Variants in C8orf34 observed in about 807,000 individuals in gnomAD.
The protein encoded by C8orf34 is uncharacterized protein C8orf34.
In C8orf34, 65 loss-of-function variants were observed where a neutral mutation model predicts 68.3. The observed-to-expected ratio is 0.95, with a 90% CI of 0.78 to 1.17. The LOEUF is 1.17. Among genes scored for constraint, C8orf34 ranks in the 50% most tolerant of loss-of-function variants. The pLI, the probability that C8orf34 is intolerant of heterozygous loss-of-function variation, is 0.00. For missense variants in C8orf34, 664 were observed against 655.4 expected, an observed-to-expected ratio of 1.01 and a Z score of -0.14; for synonymous variants, 244 against 241.2, an observed-to-expected ratio of 1.01 and a Z score of -0.11.
At chr8:68,590,622 GA>G (rs1383318012) in intron 7 of C8orf34, among the ~76,000 whole-genome samples, 2 of 152,206 alleles carry the variant, frequency 1.3e-5, no homozygotes, top group Admixed American at 6.5e-5. Context: ...TTTTAAAAAT[GA>G]AATCGTTGAA....
intron 8 of C8orf34, among the ~76,000 whole-genome samples, chr8:68,665,764 C>A (rs1819818663): frequency 1.3e-5 from 2 of 152,158 alleles, no homozygotes; most frequent in South Asian, 2.1e-4. Context: ...CCTTTCATGA[C>A]CCCAACCCTG....
In C8orf34 at chr8:68,547,210, C is replaced by T. The variant is rs564668996; in HGVS notation, c.1105+14061C>T. On this transcript the variant is annotated intron_variant, in intron 7 of 13. Coordinates refer to ENST00000518698, the MANE Select transcript of C8orf34 (RefSeq NM_052958.4). ...TGAAAGACGGGAACTGATTTTACTA[C>T]AGATCTTACAGACACAAAGGATAAC... Among the ~76,000 whole-genome samples, 21 of 151,796 alleles carry T rather than the reference C, an allele frequency of 1.4e-4. 1 individual carries two copies. The highest frequency in any genetic ancestry group is 5.1e-4 in the African/African-American group (21 of 41,508).
intron 10 of C8orf34, among the ~76,000 whole-genome samples, chr8:68,772,810 CTT>C (rs1328087090): frequency 7.0e-6 from 1 of 142,698 alleles, no homozygotes; most frequent in Non-Finnish European, 1.5e-5. Context: ...TCCTTTCTTT[CTT>C]TCTTTCTGTC....
intron 1 of C8orf34, among the ~76,000 whole-genome samples, chr8:68,426,261 T>TA (rs1251984431): frequency 1.3e-5 from 2 of 151,838 alleles, no homozygotes; most frequent in Admixed American, 6.6e-5. Context: ...CTCACACCTG[T>TA]AATCCCAGCA....
At chr8:68,813,276 G>A (rs948801501) in intron 12 of C8orf34, among the ~76,000 whole-genome samples, 1 of 152,240 alleles carries the variant, frequency 6.6e-6, no homozygotes. Flanking sequence ...CAAAAGAAAA[G>A]GAAGCAGTAC....
chr8:68,534,223 GC>G, intron 7 of C8orf34: 1 of 985,346 alleles, frequency 1.0e-6, no homozygotes, highest in Non-Finnish European at 1.2e-6. Flanking sequence ...CTGCATTCAT[GC>G]TAACATTAAG....
chr8:68,370,831 A>G (rs1050775752), intron 1 of C8orf34, among the ~76,000 whole-genome samples: 4 of 152,218 alleles, frequency 2.6e-5, no homozygotes, highest in Non-Finnish European at 5.9e-5. Context: ...ACTTTGGTCT[A>G]ACATCCTTAG....
intron 7 of C8orf34, 45 bp downstream of exon 7, chr8:68,533,194 G>A: frequency 6.5e-7 from 1 of 1,536,614 alleles, no homozygotes; most frequent in Non-Finnish European, 8.7e-7. Flanking sequence ...CTTTGACATT[G>A]TAAAAAAAAC....
At chr8:68,739,680 G>T (rs983406972) in intron 10 of C8orf34, among the ~76,000 whole-genome samples, 1 of 152,056 alleles carries the variant, frequency 6.6e-6, no homozygotes, top group Non-Finnish European at 1.5e-5. Flanking sequence ...GCAATTTGTA[G>T]ATTCAATGCT....
At chr8:68,636,102 A>T (rs909381117) in intron 7 of C8orf34, among the ~76,000 whole-genome samples, 2 of 152,164 alleles carry the variant, frequency 1.3e-5, no homozygotes, top group Non-Finnish European at 2.9e-5. Context: ...GGCATGGGAA[A>T]ACTGAAGAAG....
At chr8:68,460,841 G>A (rs866471488) in intron 3 of C8orf34, among the ~76,000 whole-genome samples, 7,244 of 152,110 alleles carry the variant, frequency 0.048, 231 homozygotes, top group African/African-American at 0.084. Context: ...CAAAGATGGG[G>A]AAAAAACAGA....
chr8:68,752,247 G>T (rs1298381577), intron 10 of C8orf34, among the ~76,000 whole-genome samples: 2 of 152,046 alleles, frequency 1.3e-5, no homozygotes, highest in Non-Finnish European at 2.9e-5. Context: ...AGATTGTGCT[G>T]ATGTCTCATT....
At chr8:68,475,494 C>T (rs973649629) in intron 4 of C8orf34, among the ~76,000 whole-genome samples, 1 of 152,138 alleles carries the variant, frequency 6.6e-6, no homozygotes, top group Non-Finnish European at 1.5e-5. Context: ...TTTTCTGAGA[C>T]CTCCCCCTAG....
intron 8 of C8orf34, among the ~76,000 whole-genome samples, chr8:68,707,811 A>G (rs1367693861): frequency 3.3e-5 from 5 of 152,266 alleles, no homozygotes; most frequent in African/African-American, 1.2e-4. Context: ...AATAATTTTT[A>G]CTTATACCTT....
intron 10 of C8orf34, among the ~76,000 whole-genome samples, chr8:68,737,431 C>A (rs539261939): frequency 1.3e-5 from 2 of 151,938 alleles, no homozygotes; most frequent in Admixed American, 1.3e-4. Context: ...AAATAAAAAT[C>A]CTTTGGTAAC....
chr8:68,795,216 G>A (rs1234594151), intron 12 of C8orf34, among the ~76,000 whole-genome samples: 1 of 151,604 alleles, frequency 6.6e-6, no homozygotes, highest in African/African-American at 2.4e-5. Context: ...TAATTTATTT[G>A]ACATAATTGC....
chr8:68,742,712 C>T (rs932160586), intron 10 of C8orf34, among the ~76,000 whole-genome samples: 4 of 152,084 alleles, frequency 2.6e-5, no homozygotes, highest in Admixed American at 2.6e-4. Flanking sequence ...TGTCTTCTGC[C>T]CTTTCACCAA....
chr8:68,571,537 G>T (rs1172204956), intron 7 of C8orf34, among the ~76,000 whole-genome samples: 1 of 112,326 alleles, frequency 8.9e-6, no homozygotes. Context: ...TTGTTCTTAA[G>T]CCTGCTGTGC....
chr8:68,810,698 C>T (rs1450287768), intron 12 of C8orf34, among the ~76,000 whole-genome samples: 2 of 152,128 alleles, frequency 1.3e-5, no homozygotes, highest in African/African-American at 2.4e-5. Context: ...CAGGATAGCT[C>T]TCCAGAGACT....
Sources: allele counts gnomAD v4.1 joint callset (sites outside exome capture counted in the v4.1 genomes callset), GRCh38; gene constraint gnomAD v4.1.1; transcripts MANE v1.5; gene names NCBI Gene and HGNC (gene_info 2026-07-23, HGNC 2026-07-21).